Variants in NCKAP5 observed in about 807,000 individuals in gnomAD.
NCKAP5 encodes NCK associated protein 5, also known as nck-associated protein 5.
NCKAP5 carries 92 observed loss-of-function variants against 167.0 expected under a neutral mutation model. The observed-to-expected ratio is 0.55, with a 90% CI of 0.47 to 0.66. The LOEUF is 0.66. Among genes scored for constraint, NCKAP5 ranks in the 30% least tolerant of loss-of-function variants. The pLI, the probability that NCKAP5 is intolerant of heterozygous loss-of-function variation, is 0.00. For missense variants in NCKAP5, 2,378 were observed against 2,315.0 expected, an observed-to-expected ratio of 1.03 and a Z score of -0.56; for synonymous variants, 891 against 877.4, an observed-to-expected ratio of 1.02 and a Z score of -0.27.
At chr2:133,439,668 C>T (rs957129667) in intron 3 of NCKAP5, among the ~76,000 whole-genome samples, 3 of 152,194 alleles carry the variant, frequency 2.0e-5, no homozygotes, top group Admixed American at 1.3e-4. Flanking sequence ...GCCCTCTCTT[C>T]TGACTACACA....
chr2:132,902,516 T>C (rs1693702857), intron 8 of NCKAP5, among the ~76,000 whole-genome samples: 1 of 152,230 alleles, frequency 6.6e-6, no homozygotes, highest in African/African-American at 2.4e-5. Flanking sequence ...TTTACACAGA[T>C]ACTCGTTTGT....
chr2:133,345,358 T>G (rs935248711), intron 3 of NCKAP5, among the ~76,000 whole-genome samples: 2 of 152,150 alleles, frequency 1.3e-5, no homozygotes, highest in Admixed American at 6.6e-5. Context: ...AAAAAAAAGA[T>G]ACTCCATTTT....
chr2:132,798,259 T>C (rs903425492), intron 11 of NCKAP5, among the ~76,000 whole-genome samples: 15 of 152,174 alleles, frequency 9.9e-5, no homozygotes, highest in Non-Finnish European at 1.6e-4. Flanking sequence ...ATTTATCTCA[T>C]CTTGCAATCT....
Position 133,035,500 on chromosome 2 carries a change from A to G in NCKAP5, c.342-41261T>C, listed in dbSNP as rs566396987. Among the ~76,000 whole-genome samples, 4 of 152,186 alleles carry G rather than the reference A, an allele frequency of 2.6e-5. No homozygotes were observed. In the South Asian group the frequency reaches 8.3e-4, roughly 31 times the overall value. ...CATGTATCACTCTCAAGGACAGCCC[A>G]TATGTTACGTAACAAAACAAGTCTG... On this transcript the variant is annotated intron_variant, in intron 6 of 19. Coordinates refer to ENST00000409261, the MANE Select transcript of NCKAP5 (RefSeq NM_207363.3).
intron 10 of NCKAP5, among the ~76,000 whole-genome samples, chr2:132,868,049 G>C (rs1166324568): frequency 6.6e-6 from 1 of 152,084 alleles, no homozygotes; most frequent in Non-Finnish European, 1.5e-5. Flanking sequence ...TCCATGAGCA[G>C]CAGTCAACCC....
chr2:132,818,583 G>A lies in NCKAP5; in HGVS notation c.808-21854C>T, dbSNP rs545191874. On this transcript the variant is annotated intron_variant, in intron 11 of 19. Transcript: ENST00000409261. ...TGCGCCTGTAGTCCCAGCTACTGGG[G>A]AGTGTGAGGTGGGAGGATCACTTGA... 7.2e-5 allele frequency among the ~76,000 whole-genome samples: 11 copies of A among 152,284 alleles called. No homozygotes were observed. In the East Asian group the frequency reaches 7.7e-4, roughly 11 times the overall value.
intron 8 of NCKAP5, among the ~76,000 whole-genome samples, chr2:132,895,299 C>G (rs897812509): frequency 6.7e-6 from 1 of 149,320 alleles, no homozygotes; most frequent in Non-Finnish European, 1.5e-5. Flanking sequence ...TCACTGCACT[C>G]CAGCCTGGAG....
chr2:133,386,464 C>G (rs1686974489), intron 3 of NCKAP5, among the ~76,000 whole-genome samples: 2 of 152,132 alleles, frequency 1.3e-5, no homozygotes, highest in African/African-American at 4.8e-5. Flanking sequence ...TGCTTTACTT[C>G]CAACTATGTG....
intron 3 of NCKAP5, among the ~76,000 whole-genome samples, chr2:133,317,378 A>AC (rs1471486727): frequency 6.6e-6 from 1 of 151,708 alleles, no homozygotes; most frequent in African/African-American, 2.4e-5. Flanking sequence ...TTCCATGGCC[A>AC]CCCCCCTCCT....
intron 7 of NCKAP5, 95 bp from the exon 8 acceptor site, chr2:132,963,964 G>T: frequency 2.2e-6 from 3 of 1,374,616 alleles, no homozygotes; most frequent in African/African-American, 1.4e-5. Context: ...TCCTGCGTGT[G>T]CATTCTTCCG....
chr2:133,503,826 G>A (rs1402276256), intron 3 of NCKAP5, among the ~76,000 whole-genome samples: 9 of 152,158 alleles, frequency 5.9e-5, no homozygotes, highest in East Asian at 1.9e-4. Flanking sequence ...ATTGCAGGAC[G>A]TCACTCTCCT....
chr2:132,948,251 C>T lies in NCKAP5; in HGVS notation c.579+15469G>A, dbSNP rs566009215. 3.9e-5 allele frequency among the ~76,000 whole-genome samples: 6 copies of T among 152,228 alleles called. No individual in the cohort carries two copies. In the South Asian group the frequency reaches 1.2e-3, roughly 32 times the overall value. On this transcript the variant is annotated intron_variant, in intron 8 of 19. Coordinates refer to ENST00000409261, the MANE Select transcript of NCKAP5 (RefSeq NM_207363.3). ...CGGGGCTTCAAGGGAAAAGTGGGCCCCTTTATGAATGGCTGGTTAGGGGGG... is the reference window on the plus strand; with the variant it reads ...CGGGGCTTCAAGGGAAAAGTGGGCCTCTTTATGAATGGCTGGTTAGGGGGG...
chr2:132,888,918 C>T (rs1278420669), intron 8 of NCKAP5, among the ~76,000 whole-genome samples: 3 of 152,120 alleles, frequency 2.0e-5, no homozygotes, highest in East Asian at 1.9e-4. Context: ...CTAGACTGGC[C>T]TTACTGACTT....
rs575004130 is a variant in NCKAP5 at position 133,495,637 on chromosome 2, C to T, written c.69+21821G>A. Among the ~76,000 whole-genome samples the T allele has an allele frequency of 1.1e-4, 16 of 152,236 alleles. No individual in the cohort carries two copies. In the South Asian group the frequency reaches 2.1e-3, roughly 20 times the overall value. The stretch of plus-strand genomic sequence containing the variant: ...AGTCACTCAGGCACACAAAAAGCTC[C>T]GAACTACTGAATAACAGGATGATAT... On this transcript the variant is annotated intron_variant, in intron 3 of 19. Coordinates refer to ENST00000409261, the MANE Select transcript of NCKAP5 (RefSeq NM_207363.3).
At chr2:133,526,569 C>T (rs890155866) in intron 2 of NCKAP5, among the ~76,000 whole-genome samples, 2 of 152,098 alleles carry the variant, frequency 1.3e-5, no homozygotes, top group Non-Finnish European at 2.9e-5. Context: ...GCTACATCTT[C>T]AATGTATGAA....
chr2:133,390,561 A>G (rs1456327676), intron 3 of NCKAP5, among the ~76,000 whole-genome samples: 2 of 152,198 alleles, frequency 1.3e-5, no homozygotes, highest in East Asian at 1.9e-4. Flanking sequence ...TTCTAAAACT[A>G]TAACACTTTT....
At chr2:133,287,623 G>A (rs1679245860) in intron 4 of NCKAP5, among the ~76,000 whole-genome samples, 1 of 152,130 alleles carries the variant, frequency 6.6e-6, no homozygotes, top group Non-Finnish European at 1.5e-5. Context: ...GTAAGGCCAG[G>A]TACCTACAAT....
chr2:133,065,085 C>T (rs2149529252), intron 6 of NCKAP5, among the ~76,000 whole-genome samples: 1 of 152,224 alleles, frequency 6.6e-6, no homozygotes, highest in South Asian at 2.1e-4. Context: ...TGTTGATTGC[C>T]TGTAAGTTAG....
intron 16 of NCKAP5, among the ~76,000 whole-genome samples, chr2:132,757,234 C>T (rs925891792): frequency 1.3e-5 from 2 of 152,144 alleles, no homozygotes; most frequent in Non-Finnish European, 2.9e-5. Context: ...AAGATGATTG[C>T]TAAATGACTC....
Sources: allele counts gnomAD v4.1 joint callset (sites outside exome capture counted in the v4.1 genomes callset), GRCh38; gene constraint gnomAD v4.1.1; transcripts MANE v1.5; gene names NCBI Gene and HGNC (gene_info 2026-07-23, HGNC 2026-07-21).